The following CNTN5 variants were observed in gnomAD, a reference collection of about 807,000 sequenced individuals.
CNTN5 encodes the protein contactin-5.
CNTN5 carries 77 observed loss-of-function variants against 129.1 expected under a neutral mutation model. The ratio of observed to expected loss-of-function variants is 0.60; its 90% CI spans 0.50 to 0.72. The LOEUF is 0.72. Ranked by LOEUF, CNTN5 falls within the 30% of genes least tolerant of loss-of-function variation. The probability of loss-of-function intolerance (pLI) is 0.00; values close to 1 mark genes in which losing one functional copy is unlikely to be tolerated. For synonymous variants in CNTN5, 509 were observed against 465.6 expected (o/e 1.09, Z -1.20); for missense variants, 1,478 against 1,328.8 (o/e 1.11, Z -1.75).
Position 99,720,517 on chromosome 11 carries a change from C to T in CNTN5, c.56-99027C>T, listed in dbSNP as rs145468074. Among the ~76,000 whole-genome samples, 3 of 152,004 alleles carry T rather than the reference C, an allele frequency of 2.0e-5. No homozygotes were observed. The East Asian group carries it at 5.8e-4, about 30-fold the overall frequency. On this transcript the variant is annotated intron_variant, in intron 3 of 24. Transcript: ENST00000524871. ...TATTGAAAGAACGTAACTCAAAAAGCCTTCTATGACAAACCCCTGGCCAAC... is the reference window on the plus strand; with the variant it reads ...TATTGAAAGAACGTAACTCAAAAAGTCTTCTATGACAAACCCCTGGCCAAC...
intron 2 of CNTN5, among the ~76,000 whole-genome samples, chr11:99,366,509 A>G (rs1298098152): frequency 6.6e-6 from 1 of 152,226 alleles, no homozygotes; most frequent in Non-Finnish European, 1.5e-5. Context: ...AAGATGAAAT[A>G]GCAAATATTT....
chr11:100,336,955 A>T lies in CNTN5; in HGVS notation c.2731-3508A>T, dbSNP rs927594735. 13 of 706,232 alleles carry T rather than the reference A, an allele frequency of 1.8e-5. No homozygotes were observed. In the African/African-American group the frequency reaches 2.3e-4, roughly 12 times the overall value. 43.7% of individuals were successfully genotyped at this position (706,232 alleles called of 1,614,324 possible). A position where few individuals can be genotyped will look rare whatever the true frequency, so the allele number is the denominator to read the frequency against. On this transcript the variant is annotated intron_variant, in intron 21 of 24. Coordinates refer to ENST00000524871, the MANE Select transcript of CNTN5 (RefSeq NM_014361.4). ...GGCTTTGGATCGCGGGCACCTTCTT[A>T]GGCAGAAAAGAAATCAAGAGCCAGA...
At position 99,819,692 on chromosome 11, in the gene CNTN5, C is replaced by T. The variant is rs756806886; in HGVS notation, c.204C>T (p.Ser68=). 1.9e-6 allele frequency: 3 copies of T among 1,612,798 alleles called. No individual in the cohort carries two copies. Among genetic ancestry groups the T allele is most frequent in the African/African-American group, 2.7e-5 (2 of 74,966 alleles). The change falls in exon 4 of 25, where the codon AGC becomes AGT. Residue 68 remains serine, a synonymous_variant. Coordinates refer to ENST00000524871, the MANE Select transcript of CNTN5 (RefSeq NM_014361.4). ...SLGTLSASSP[S]WLGAAQNYYS... Reference sequence around the variant, plus strand: ...GAACACTGAGTGCTTCTTCACCCAGCTGGCTAGGGGCAGCTCAGAATTATT... The same window carrying T: ...GAACACTGAGTGCTTCTTCACCCAGTTGGCTAGGGGCAGCTCAGAATTATT...
chr11:100,354,865 A>G (rs1952488310), intron 24 of CNTN5, among the ~76,000 whole-genome samples: 1 of 151,684 alleles, frequency 6.6e-6, no homozygotes, highest in Admixed American at 6.6e-5. Context: ...TAGTCAGTAT[A>G]AAAGATAAAA....
intron 2 of CNTN5, among the ~76,000 whole-genome samples, chr11:99,430,998 G>GTTTTT (rs11292397): frequency 2.2e-5 from 3 of 139,472 alleles, no homozygotes; most frequent in Non-Finnish European, 4.6e-5. Context: ...TTTCCTGGCT[G>GTTTTT]TTTTTTTTTT....
At chr11:99,733,738 C>G (rs963850584) in intron 3 of CNTN5, among the ~76,000 whole-genome samples, 1 of 152,262 alleles carries the variant, frequency 6.6e-6, no homozygotes, top group Admixed American at 6.5e-5. Context: ...CATAATAACA[C>G]AGTCGCCAAT....
chr11:99,270,898 G>C (rs1348702564), intron 1 of CNTN5, among the ~76,000 whole-genome samples: 11 of 151,910 alleles, frequency 7.2e-5, no homozygotes, highest in Non-Finnish European at 1.5e-4. Flanking sequence ...GGCATGATTT[G>C]GTAAAAGTTT....
At chr11:99,466,248 A>G (rs889135267) in intron 2 of CNTN5, among the ~76,000 whole-genome samples, 5 of 152,076 alleles carry the variant, frequency 3.3e-5, no homozygotes, top group African/African-American at 1.2e-4. Flanking sequence ...GCAAGGGGGA[A>G]ATCTTTCCTC....
intron 6 of CNTN5, among the ~76,000 whole-genome samples, chr11:99,870,489 T>G (rs184238614): frequency 1.3e-5 from 2 of 152,212 alleles, no homozygotes; most frequent in African/African-American, 4.8e-5. Context: ...AAAATATAAA[T>G]AAACTGATAT....
chr11:99,436,335 T>A (rs764561826), intron 2 of CNTN5, among the ~76,000 whole-genome samples: 4 of 152,160 alleles, frequency 2.6e-5, no homozygotes, highest in African/African-American at 9.6e-5. Flanking sequence ...AAATGGAGGA[T>A]CAGAGAGATT....
intron 3 of CNTN5, among the ~76,000 whole-genome samples, chr11:99,767,652 A>G (rs1944800866): frequency 6.6e-6 from 1 of 151,082 alleles, no homozygotes; most frequent in African/African-American, 2.4e-5. Context: ...CCATCAGATC[A>G]AGGAATGTGA....
chr11:99,475,293 G>A (rs1945328455), intron 2 of CNTN5, among the ~76,000 whole-genome samples: 1 of 152,138 alleles, frequency 6.6e-6, no homozygotes, highest in Admixed American at 6.5e-5. Context: ...TCATAACACA[G>A]CACAAAGGCC....
At chr11:99,655,554 T>C (rs1194106980) in intron 3 of CNTN5, among the ~76,000 whole-genome samples, 1 of 152,132 alleles carries the variant, frequency 6.6e-6, no homozygotes. Context: ...TCAGAATCTC[T>C]TTGGAAGCAA....
At chr11:100,069,689 TTG>T in intron 10 of CNTN5, among the ~76,000 whole-genome samples, 1 of 152,294 alleles carries the variant, frequency 6.6e-6, no homozygotes, top group African/African-American at 2.4e-5. Flanking sequence ...GCCAAAAATG[TTG>T]TTAGAAATAA....
At chr11:100,310,032 G>C (rs1437518499) in intron 21 of CNTN5, among the ~76,000 whole-genome samples, 1 of 151,776 alleles carries the variant, frequency 6.6e-6, no homozygotes, top group Admixed American at 6.6e-5. Context: ...AGATTTCCTG[G>C]AACCACATTC....
At chr11:99,775,149 C>T (rs778413368) in intron 3 of CNTN5, among the ~76,000 whole-genome samples, 7 of 151,968 alleles carry the variant, frequency 4.6e-5, no homozygotes, top group South Asian at 2.1e-4. Context: ...CTGCCATGGG[C>T]GTGATGCTTA....
intron 3 of CNTN5, among the ~76,000 whole-genome samples, chr11:99,671,088 A>G (rs1041424597): frequency 2.7e-5 from 4 of 150,270 alleles, no homozygotes; most frequent in African/African-American, 9.8e-5. Context: ...CTTTCTTGTG[A>G]GTTCTCTCGC....
At chr11:100,006,781 C>T (rs543178523) in intron 9 of CNTN5, among the ~76,000 whole-genome samples, 18 of 152,128 alleles carry the variant, frequency 1.2e-4, no homozygotes, top group African/African-American at 1.9e-4. Flanking sequence ...TATAGAATGG[C>T]GAATCCTCTC....
chr11:99,034,277 G>A (rs1374669016), intron 1 of CNTN5, among the ~76,000 whole-genome samples: 2 of 152,088 alleles, frequency 1.3e-5, no homozygotes, highest in Non-Finnish European at 2.9e-5. Flanking sequence ...GATGATGCTG[G>A]CCTCATACAA....
Sources: allele counts gnomAD v4.1 joint callset (sites outside exome capture counted in the v4.1 genomes callset), GRCh38; gene constraint gnomAD v4.1.1; transcripts MANE v1.5; gene names NCBI Gene and HGNC (gene_info 2026-07-23, HGNC 2026-07-21).